Variants in PHKG2 observed in about 807,000 individuals in gnomAD.
The protein encoded by PHKG2 is phosphorylase kinase catalytic subunit gamma 2.
PHKG2 carries 28 observed loss-of-function variants against 44.5 expected under a neutral mutation model. The observed-to-expected ratio is 0.63, with a 90% CI of 0.47 to 0.86. The LOEUF (loss-of-function observed/expected upper bound fraction) is 0.86, where lower values mean the gene tolerates loss of function less well. PHKG2 is among the 40% of genes least tolerant of loss of function. PHKG2 has a pLI of 0.00. For missense variants in PHKG2, 498 were observed against 547.5 expected (o/e 0.91, Z 0.90); for synonymous variants, 220 against 211.2 (o/e 1.04, Z -0.36).
chr16:30,757,162 C>T lies in PHKG2; in HGVS notation c.*65C>T, dbSNP rs1165029078. ...AGAAGAAGGGTTTTGATCATTCCAGCTCCTCTGGGCTCTGGCCTCTGGCCT... is the reference window on the plus strand; with the variant it reads ...AGAAGAAGGGTTTTGATCATTCCAGTTCCTCTGGGCTCTGGCCTCTGGCCT... On this transcript the variant is annotated 3_prime_UTR_variant, in exon 10 of 10. Transcript: ENST00000563588. 9 of 1,477,010 alleles carry T rather than the reference C, an allele frequency of 6.1e-6. No homozygotes were observed. In the African/African-American group the frequency reaches 1.6e-4, roughly 26 times the overall value. The allele number at this position is 1,477,010 out of a possible 1,614,324, so 91.5% of individuals were successfully genotyped here.
chr16:30,748,965 A>G (rs2053292873), intron 2 of PHKG2, 50 bp downstream of exon 2: 4 of 1,209,392 alleles, frequency 3.3e-6, no homozygotes. Context: ...GAGCCCCAGC[A>G]TTCCCGCTTC....
At chr16:30,753,733 A>T (rs1380900297) in intron 6 of PHKG2, among the ~76,000 whole-genome samples, 176 bp downstream of exon 6, 2 of 152,132 alleles carry the variant, frequency 1.3e-5, no homozygotes, top group Non-Finnish European at 2.9e-5. Flanking sequence ...GGGCATCCTG[A>T]CCTGGGAGGA....
chr16:30,749,070 GTGGTGGTGGTGGTGGTGGTGC>G (rs1567259426), intron 2 of PHKG2, among the ~76,000 whole-genome samples, 155 bp downstream of exon 2: 33 of 24,990 alleles, frequency 1.3e-3, no homozygotes, highest in South Asian at 4.7e-3. Context: ...GGTGGTGGTG[GTGGTGGTGGTGGTGGTGGTGC>G]TGCTGCTGCT....
intron 4 of PHKG2, among the ~76,000 whole-genome samples, chr16:30,752,271 G>GCA: frequency 3.9e-5 from 1 of 25,624 alleles, no homozygotes; most frequent in Non-Finnish European, 8.3e-5. Context: ...GGTGGTCGGT[G>GCA]CCTGTAATCC....
Position 30,757,141 on chromosome 16 carries a change from G to A in PHKG2, c.*44G>A. The A allele has an allele frequency of 1.2e-6, 2 of 1,604,280 alleles. No homozygotes were observed. Among genetic ancestry groups the A allele is most frequent in the Non-Finnish European group, 1.7e-6 (2 of 1,178,392 alleles). On this transcript the variant is annotated 3_prime_UTR_variant, in exon 10 of 10. Coordinates refer to ENST00000563588, the MANE Select transcript of PHKG2 (RefSeq NM_000294.3). ...TCCCAGGAAGCAGAACTCTCCAGAA[G>A]AAGGGTTTTGATCATTCCAGCTCCT...
At chr16:30,752,235 T>TAAA (rs370270999) in intron 4 of PHKG2, among the ~76,000 whole-genome samples, 1 of 692 alleles carries the variant, frequency 1.4e-3, no homozygotes, top group East Asian at 0.025. Context: ...CCGTCTCTAC[T>TAAA]AAAATACAAA....
chr16:30,753,190 AC>A (rs1443293899), intron 4 of PHKG2, 41 bp from the exon 5 acceptor site: 1 of 1,497,314 alleles, frequency 6.7e-7, no homozygotes, highest in Non-Finnish European at 9.3e-7. Flanking sequence ...CTCAGCCCCC[AC>A]TGTGGGATGC....
At position 30,760,543 on chromosome 16, in the gene PHKG2, T is replaced by G. The variant is rs2053687608; in HGVS notation, c.*3446T>G. ...GCTTTGGAGTCAGCCATTCCTCATGTTTTCCCAACCTGACCCCTCAGCCTT... is the reference window on the plus strand; with the variant it reads ...GCTTTGGAGTCAGCCATTCCTCATGGTTTCCCAACCTGACCCCTCAGCCTT... On this transcript the variant is annotated 3_prime_UTR_variant, in exon 10 of 10. Coordinates refer to ENST00000563588, the MANE Select transcript of PHKG2 (RefSeq NM_000294.3). 1 of 1,598,452 alleles carries G rather than the reference T, an allele frequency of 6.3e-7. No individual in the cohort carries two copies. The highest frequency in any genetic ancestry group is 1.3e-5 in the African/African-American group (1 of 74,458).
chr16:30,760,134 A>AT lies in PHKG2; in HGVS notation c.*3039dup. The AT allele has an allele frequency of 1.3e-6, 2 of 1,560,030 alleles. No homozygotes were observed. Among genetic ancestry groups the AT allele is most frequent in the Non-Finnish European group, 1.7e-6 (2 of 1,159,300 alleles). On this transcript the variant is annotated 3_prime_UTR_variant, in exon 10 of 10. Transcript: ENST00000563588. The stretch of plus-strand genomic sequence containing the variant: ...TAATTTCTAGATAAGGAAGCAGTGG[A>AT]TTGGAAAGCTGATGGCTTGTGTATG...
At chr16:30,753,044 A>G in intron 4 of PHKG2, 188 bp from the exon 5 acceptor site, 1 of 655,488 alleles carries the variant, frequency 1.5e-6, no homozygotes, top group South Asian at 1.6e-5. Context: ...GGCATAATGC[A>G]GGTATTTCAG....
At chr16:30,748,525 G>T in intron 1 of PHKG2, 35 bp downstream of exon 1, 1 of 483,548 alleles carries the variant, frequency 2.1e-6, no homozygotes, top group Non-Finnish European at 3.7e-6. Flanking sequence ...CCCTTCCTGC[G>T]CCCGCCCGAA....
chr16:30,757,645 T>A lies in PHKG2; in HGVS notation c.*548T>A, dbSNP rs761692751. ...GGTCTTGATGTAGGCTCGGAGGACG[T>A]GGATGTGGCCTGCAGGGGCAGGGAA... On this transcript the variant is annotated 3_prime_UTR_variant, in exon 10 of 10. Coordinates refer to ENST00000563588, the MANE Select transcript of PHKG2 (RefSeq NM_000294.3). 1 of 1,612,476 alleles carries A rather than the reference T, an allele frequency of 6.2e-7. No individual in the cohort carries two copies. The highest frequency in any genetic ancestry group is 1.3e-5 in the African/African-American group (1 of 75,002).
At chr16:30,754,316 C>A (rs1266036719) in intron 6 of PHKG2, among the ~76,000 whole-genome samples, 1 of 152,118 alleles carries the variant, frequency 6.6e-6, no homozygotes, top group Non-Finnish European at 1.5e-5. Flanking sequence ...CAGGTGCCCA[C>A]CACTACGCCT....
In PHKG2 at chr16:30,757,907, CCTAT is replaced by C. The variant is rs1399233311; in HGVS notation, c.*813_*816del. 24 of 945,872 alleles carry C rather than the reference CCTAT, an allele frequency of 2.5e-5. No homozygotes were observed. In the Admixed American group the frequency reaches 4.7e-4, roughly 18 times the overall value. The allele number at this position is 945,872 out of a possible 1,614,324, so 58.6% of individuals were successfully genotyped here. ...GTGTGACCTTAGGCAGGTTATTTAA[CCTAT>C]CTGTGCCTCAGTTTCCTTGTATGAA... On this transcript the variant is annotated 3_prime_UTR_variant, in exon 10 of 10. Coordinates refer to ENST00000563588, the MANE Select transcript of PHKG2 (RefSeq NM_000294.3).
Position 30,760,368 on chromosome 16 carries a change from T to C in PHKG2, c.*3271T>C, listed in dbSNP as rs2053671909. The C allele has an allele frequency of 3.1e-6, 5 of 1,614,050 alleles. No homozygotes were observed. Among genetic ancestry groups the C allele is most frequent in the Non-Finnish European group, 3.4e-6 (4 of 1,180,018 alleles). On this transcript the variant is annotated 3_prime_UTR_variant, in exon 10 of 10. Coordinates refer to ENST00000563588, the MANE Select transcript of PHKG2 (RefSeq NM_000294.3). ...GAGAAGCCCTGCTGGCGGCAGAAAA[T>C]GAGCGCGTGGCAGAAGAGGTCCAGG...
At chr16:30,748,705 C>A in intron 1 of PHKG2, 98 bp from the exon 2 acceptor site, 1 of 376,338 alleles carries the variant, frequency 2.7e-6, no homozygotes, top group Non-Finnish European at 5.2e-6. Context: ...AGGACCCTGG[C>A]GCCCCAGCTG....
At chr16:30,751,697 C>A in intron 4 of PHKG2, 94 bp downstream of exon 4, 1 of 1,024,496 alleles carries the variant, frequency 9.8e-7, no homozygotes, top group South Asian at 1.3e-5. Context: ...CCATCCTGCT[C>A]ACACCTTCCT....
At chr16:30,750,154 T>A (rs2053325594) in intron 2 of PHKG2, among the ~76,000 whole-genome samples, 1 of 151,940 alleles carries the variant, frequency 6.6e-6, no homozygotes, top group Admixed American at 6.6e-5. Flanking sequence ...GGAAGTGTTG[T>A]GGAAGGTGGA....
At position 30,757,014 on chromosome 16, in the gene PHKG2, G is replaced by A. The variant is rs777039348; in HGVS notation, c.1138G>A (p.Gly380Arg). 3 of 1,612,264 alleles carry A rather than the reference G, an allele frequency of 1.9e-6. No homozygotes were observed. Among genetic ancestry groups the A allele is most frequent in the Admixed American group, 1.7e-5 (1 of 60,022 alleles). Residue 380 changes from glycine to arginine, a missense_variant, in exon 10 of 10, where the codon GGG becomes AGG. Transcript: ENST00000563588. Reference sequence around the variant, plus strand: ...GGCTCTCTTTCAGCACCGGCCCCCTGGGCCTTTTCCCATCATGGGCCCTGA... The same window carrying A: ...GGCTCTCTTTCAGCACCGGCCCCCTAGGCCTTTTCCCATCATGGGCCCTGA... ...RAALFQHRPP[G>R]PFPIMGPEEE...
Sources: allele counts gnomAD v4.1 joint callset (sites outside exome capture counted in the v4.1 genomes callset), GRCh38; gene constraint gnomAD v4.1.1; transcripts MANE v1.5; gene names NCBI Gene and HGNC (gene_info 2026-07-23, HGNC 2026-07-21).